KANSL1L: variants seen among roughly 807,000 people sequenced by gnomAD.
KANSL1L encodes KAT8 regulatory NSL complex subunit 1-like protein.
In KANSL1L, 25 loss-of-function variants were observed where a neutral mutation model predicts 108.6. That is an observed-to-expected ratio of 0.23 (90% confidence interval 0.17 to 0.32). KANSL1L has a LOEUF of 0.32. Among genes scored for constraint, KANSL1L ranks in the 10% least tolerant of loss-of-function variants. The probability of loss-of-function intolerance (pLI) is 1.00; values close to 1 mark genes in which losing one functional copy is unlikely to be tolerated. For synonymous variants in KANSL1L, 405 were observed against 395.1 expected (o/e 1.03, Z -0.30); for missense variants, 1,137 against 1,125.7 (o/e 1.01, Z -0.14).
At chr2:210,024,603 A>G (rs1222983497) in intron 13 of KANSL1L, among the ~76,000 whole-genome samples, 1 of 152,118 alleles carries the variant, frequency 6.6e-6, no homozygotes, top group East Asian at 1.9e-4. Context: ...TCTCATATAT[A>G]TAATAATTAT....
intron 5 of KANSL1L, among the ~76,000 whole-genome samples, chr2:210,085,174 G>T (rs1251250502): frequency 1.3e-5 from 2 of 152,144 alleles, no homozygotes; most frequent in East Asian, 1.9e-4. Context: ...GAAATATAAA[G>T]AACTATTTAT....
At chr2:210,082,170 G>A (rs1035624108) in intron 5 of KANSL1L, among the ~76,000 whole-genome samples, 3 of 152,158 alleles carry the variant, frequency 2.0e-5, no homozygotes, top group Admixed American at 6.5e-5. Context: ...GGGCTCAAGC[G>A]ATCCTTCCGT....
At chr2:210,053,083 G>A (rs1030701800) in intron 6 of KANSL1L, among the ~76,000 whole-genome samples, 3 of 152,166 alleles carry the variant, frequency 2.0e-5, no homozygotes, top group Non-Finnish European at 4.4e-5. Flanking sequence ...CAATATGAAA[G>A]GGAAGCATGA....
intron 7 of KANSL1L, chr2:210,043,694 T>G (rs1159534443): frequency 3.1e-6 from 1 of 319,004 alleles, no homozygotes. Context: ...ACCTAGTAAT[T>G]TCCCAAAGTA....
chr2:210,111,432 C>A (rs2094903818), intron 3 of KANSL1L, among the ~76,000 whole-genome samples: 1 of 151,946 alleles, frequency 6.6e-6, no homozygotes, highest in East Asian at 1.9e-4. Context: ...CTAGAAAAGG[C>A]AAAACTATAG....
intron 2 of KANSL1L, among the ~76,000 whole-genome samples, chr2:210,139,021 C>T (rs1337083637): frequency 2.0e-5 from 3 of 152,106 alleles, no homozygotes; most frequent in African/African-American, 4.8e-5. Context: ...ATTGCTCGAA[C>T]CTGGGAGGTA....
At chr2:210,026,608 C>CGAA (rs762227331) in intron 12 of KANSL1L, among the ~76,000 whole-genome samples, 1 of 151,952 alleles carries the variant, frequency 6.6e-6, no homozygotes, top group East Asian at 1.9e-4. Context: ...TTTTCTAAAC[C>CGAA]GAAGAGCAAA....
At chr2:210,151,661 TC>T (rs1261652701) in intron 2 of KANSL1L, 4 of 152,218 alleles carry the variant, frequency 2.6e-5, no homozygotes. Context: ...TGAGTCTGTT[TC>T]TTCTTAAGTG....
intron 3 of KANSL1L, among the ~76,000 whole-genome samples, chr2:210,119,423 T>C (rs897839134): frequency 5.3e-5 from 8 of 152,172 alleles, no homozygotes; most frequent in Admixed American, 2.0e-4. Flanking sequence ...CCTGATTATA[T>C]TGATGCAGAA....
At chr2:210,101,981 A>G (rs1220581168) in intron 4 of KANSL1L, among the ~76,000 whole-genome samples, 1 of 152,202 alleles carries the variant, frequency 6.6e-6, no homozygotes, top group African/African-American at 2.4e-5. Flanking sequence ...TTAAAGTAAA[A>G]AAGTCCTAGA....
chr2:210,168,477 T>A (rs945805322), intron 1 of KANSL1L, among the ~76,000 whole-genome samples: 3 of 152,056 alleles, frequency 2.0e-5, no homozygotes, highest in African/African-American at 7.2e-5. Flanking sequence ...ATCTCAATAA[T>A]AAAGGAACTT....
At chr2:210,125,280 T>G (rs781280946) in intron 3 of KANSL1L, among the ~76,000 whole-genome samples, 35 of 151,768 alleles carry the variant, frequency 2.3e-4, no homozygotes, top group Admixed American at 2.1e-3. Flanking sequence ...AAAAGAAAAT[T>G]TGAATAGGCC....
intron 2 of KANSL1L, among the ~76,000 whole-genome samples, chr2:210,150,536 A>C (rs2095295356): frequency 6.6e-6 from 1 of 152,208 alleles, no homozygotes; most frequent in Non-Finnish European, 1.5e-5. Context: ...TAATCCCAGC[A>C]CTTTGGGAGG....
chr2:210,079,646 A>ATATATATATATATATGTATGTG (rs2094570402), intron 5 of KANSL1L, among the ~76,000 whole-genome samples: 4 of 13,120 alleles, frequency 3.0e-4, no homozygotes, highest in Non-Finnish European at 3.9e-4. Context: ...ATATATATAT[A>ATATATATATATATATGTATGTG]TATATATATA....
chr2:210,040,530 G>A lies in KANSL1L; in HGVS notation c.1922-3C>T. On this transcript the variant is annotated splice_polypyrimidine_tract_variant and splice_region_variant and intron_variant, in intron 7 of 14. Transcript: ENST00000281772. ...AAAGTGAAAATGAAGAGGCACATCT[G>A]GAAAAATAAAATAAAAAAGGTATTT... The A allele has an allele frequency of 1.4e-6, 2 of 1,383,308 alleles. No homozygotes were observed. Among genetic ancestry groups the A allele is most frequent in the Non-Finnish European group, 9.9e-7 (1 of 1,005,158 alleles). 85.7% of individuals were successfully genotyped at this position (1,383,308 alleles called of 1,614,324 possible).
At chr2:210,113,487 A>T (rs751917657) in intron 3 of KANSL1L, among the ~76,000 whole-genome samples, 1 of 152,276 alleles carries the variant, frequency 6.6e-6, no homozygotes, top group East Asian at 1.9e-4. Context: ...TTCCATTATT[A>T]GAGTCAAATG....
intron 6 of KANSL1L, among the ~76,000 whole-genome samples, chr2:210,073,894 C>T (rs1333009415): frequency 6.6e-6 from 1 of 152,040 alleles, no homozygotes; most frequent in Non-Finnish European, 1.5e-5. Flanking sequence ...TTACTGAGCA[C>T]ATTCTATCAG....
In KANSL1L at chr2:210,023,137, C is replaced by T. The variant is rs2093883589; in HGVS notation, c.2776G>A (p.Asp926Asn). 3.1e-6 allele frequency: 5 copies of T among 1,613,860 alleles called. No homozygotes were observed. The Admixed American group carries it at 8.3e-5, about 27-fold the overall frequency. ...TCTTGACATAATAAGGCTGCCATGT[C>T]TTCACCCTTCAGTGGAAAAGCCCGT... The part of the protein sequence containing the change: ...ERRAFPLKGE[D>N]MAALLCQDEK... The change falls in exon 15 of 15, where the codon GAC becomes AAC. Residue 926 changes from aspartate (D) to asparagine (N), a missense_variant. Around this residue, in one of 3 missense-constraint regions of KANSL1L, gnomAD observed 575 missense variants for 567.1 expected, o/e 1.01. Coordinates refer to ENST00000281772, the MANE Select transcript of KANSL1L (RefSeq NM_152519.4).
chr2:210,108,024 A>C (rs2094867725), intron 3 of KANSL1L, among the ~76,000 whole-genome samples: 1 of 152,190 alleles, frequency 6.6e-6, no homozygotes, highest in African/African-American at 2.4e-5. Context: ...CATTTAAAAT[A>C]CATTAAACAG....
Sources: allele counts gnomAD v4.1 joint callset (sites outside exome capture counted in the v4.1 genomes callset), GRCh38; gene constraint gnomAD v4.1.1; regional missense constraint gnomAD v4.1.1; transcripts MANE v1.5; gene names NCBI Gene and HGNC (gene_info 2026-07-23, HGNC 2026-07-21).